NAV3: variants seen among roughly 807,000 people sequenced by gnomAD.
NAV3 encodes the protein pore membrane and/or filament interacting like protein 1.
NAV3 carries 87 observed loss-of-function variants against 244.7 expected under a neutral mutation model. The observed-to-expected ratio is 0.36, with a 90% CI of 0.30 to 0.42. The LOEUF is 0.42. NAV3 is among the 20% of genes least tolerant of loss of function. The pLI is 1.00. For synonymous variants in NAV3, 1,126 were observed against 1,042.2 expected (o/e 1.08, Z -1.55); for missense variants, 2,663 against 2,893.3 (o/e 0.92, Z 1.83).
rs1011282987 is a variant in NAV3, at chr12:77,946,262, C to T, written c.414+5129C>T. Reference sequence around the variant, plus strand: ...GTATGTGTGTGTGTGTGTGTGTGCGCGTGCACCTTATAAAGAAAATTTAAC... The same window carrying T: ...GTATGTGTGTGTGTGTGTGTGTGCGTGTGCACCTTATAAAGAAAATTTAAC... On this transcript the variant is annotated intron_variant, in intron 3 of 39. Coordinates refer to ENST00000397909, the MANE Select transcript of NAV3 (RefSeq NM_001024383.2). 2.7e-3 allele frequency among the ~76,000 whole-genome samples: 364 copies of T among 135,964 alleles called. 3 individuals are homozygous for T. Among genetic ancestry groups the T allele is most frequent in the African/African-American group, 8.1e-3 (305 of 37,872 alleles). 89.2% of individuals were successfully genotyped at this position (135,964 alleles called of 152,430 possible). A position where few individuals can be genotyped will look rare whatever the true frequency, so the allele number is the denominator to read the frequency against.
intron 8 of NAV3, among the ~76,000 whole-genome samples, chr12:78,017,726 A>G (rs941427693): frequency 6.6e-6 from 1 of 152,170 alleles, no homozygotes; most frequent in African/African-American, 2.4e-5. Flanking sequence ...TCTTGATTCT[A>G]AAGTCTTTAT....
At position 77,998,523 on chromosome 12, in the gene NAV3, G is replaced by C. The variant is rs569224647; in HGVS notation, c.880+47G>C. 3.1e-4 allele frequency: 472 copies of C among 1,544,264 alleles called. 7 individuals carry two copies. The South Asian group carries it at 5.6e-3, about 18-fold the overall frequency. On this transcript the variant is annotated intron_variant, in intron 7 of 39. Coordinates refer to ENST00000397909, the MANE Select transcript of NAV3 (RefSeq NM_001024383.2). ...ATGACACAAGTCCAACATGAGTCTTGTGAATTGCATGCTAAATCTAATATT... is the reference window on the plus strand; with the variant it reads ...ATGACACAAGTCCAACATGAGTCTTCTGAATTGCATGCTAAATCTAATATT...
rs1215026389 is a variant in NAV3, at chr12:78,119,256, A to C, written c.3060A>C (p.Lys1020Asn). ...AATTAGGGAAAACCGATGATGCCAA[A>C]GCTTCTGAGAAAGGAAAAGCTCCCC... ...LKTPGKTDDA[K>N]ASEKGKAPLK... The change falls in exon 15 of 40, where the codon AAA becomes AAC. Residue 1020 changes from lysine (K) to asparagine (N), a missense_variant. This residue lies in a region of NAV3 where 1,521 missense variants were observed against 1,497.0 expected (regional missense o/e 1.02). Coordinates refer to ENST00000397909, the MANE Select transcript of NAV3 (RefSeq NM_001024383.2). 1 of 1,612,426 alleles carries C rather than the reference A, an allele frequency of 6.2e-7. No individual in the cohort carries two copies. Among genetic ancestry groups the C allele is most frequent in the African/African-American group, 1.3e-5 (1 of 74,832 alleles).
intron 1 of NAV3, among the ~76,000 whole-genome samples, chr12:77,867,909 C>T (rs1386268865): frequency 1.3e-5 from 2 of 152,138 alleles, no homozygotes; most frequent in Non-Finnish European, 2.9e-5. Flanking sequence ...GGCAAGGGCC[C>T]CTCAAGTATG....
At chr12:77,806,796 A>G (rs2135987111) in intron 2 of NAV3, among the ~76,000 whole-genome samples, 1 of 152,298 alleles carries the variant, frequency 6.6e-6, no homozygotes, top group African/African-American at 2.4e-5. Context: ...ATTGTGTGGT[A>G]GTCTAAGTCT....
intron 1 of NAV3, among the ~76,000 whole-genome samples, chr12:77,903,638 A>G (rs1001063852): frequency 4.3e-4 from 66 of 152,366 alleles, no homozygotes; most frequent in South Asian, 1.7e-3. Flanking sequence ...GCCAAAATTG[A>G]CAAATGGGAC....
chr12:77,857,737 T>G (rs1287223019), intron 1 of NAV3, among the ~76,000 whole-genome samples: 3 of 151,962 alleles, frequency 2.0e-5, no homozygotes, highest in Non-Finnish European at 4.4e-5. Context: ...AAAAAACTAA[T>G]TAAATATCCA....
chr12:77,609,185 C>G (rs768777417), intron 2 of NAV3, among the ~76,000 whole-genome samples: 46 of 152,008 alleles, frequency 3.0e-4, no homozygotes, highest in Non-Finnish European at 6.0e-4. Context: ...GGGTGTCATG[C>G]TTCAATTAAA....
At chr12:78,128,901 T>A in intron 18 of NAV3, 35 bp downstream of exon 18, 1 of 1,592,212 alleles carries the variant, frequency 6.3e-7, no homozygotes, top group Non-Finnish European at 8.6e-7. Flanking sequence ...TTGTTTTGTT[T>A]CTTTCACCAC....
intron 5 of NAV3, among the ~76,000 whole-genome samples, chr12:77,979,678 C>A (rs567448840): frequency 7.2e-6 from 1 of 138,952 alleles, no homozygotes; most frequent in Non-Finnish European, 1.5e-5. Flanking sequence ...ACTGATCTCT[C>A]AGTCTCATAA....
At chr12:77,663,403 A>T (rs1051531449) in intron 2 of NAV3, among the ~76,000 whole-genome samples, 1 of 152,238 alleles carries the variant, frequency 6.6e-6, no homozygotes, top group African/African-American at 2.4e-5. Context: ...GGACACAAAG[A>T]AAAAAATATT....
chr12:77,867,355 G>A (rs755418190), intron 1 of NAV3, among the ~76,000 whole-genome samples: 1 of 152,156 alleles, frequency 6.6e-6, no homozygotes, highest in Non-Finnish European at 1.5e-5. Context: ...GGAACTGTGA[G>A]TCTATTAAAC....
chr12:78,090,486 A>C (rs1413707004), intron 12 of NAV3, among the ~76,000 whole-genome samples: 1 of 152,046 alleles, frequency 6.6e-6, no homozygotes, highest in African/African-American at 2.4e-5. Context: ...ACTTTGTCTT[A>C]AATGATTCCA....
intron 12 of NAV3, among the ~76,000 whole-genome samples, chr12:78,065,800 G>T (rs1884947910): frequency 6.6e-6 from 1 of 152,100 alleles, no homozygotes; most frequent in Non-Finnish European, 1.5e-5. Flanking sequence ...CAACAAAAGG[G>T]ACAGGATGAA....
rs137915210 is a variant in NAV3 at position 77,640,239 on chromosome 12, C to CAG, written c.72+67984_72+67985dup. ...GAAATCTAATCACAGAGACATACAG[C>CAG]AGAGAGAGAGAGGGAGAGAGAGAGT... is the stretch of plus-strand genomic sequence containing the variant. On this transcript the variant is annotated intron_variant, in intron 2 of 8. Transcript: ENST00000550042. Among the ~76,000 whole-genome samples, 3 of 151,168 alleles carry CAG rather than the reference C, an allele frequency of 2.0e-5. No individual in the cohort carries two copies. In the South Asian group the frequency reaches 6.3e-4, roughly 32 times the overall value.
chr12:77,698,646 C>T (rs898803899), intron 2 of NAV3, among the ~76,000 whole-genome samples: 1 of 151,888 alleles, frequency 6.6e-6, no homozygotes, highest in Non-Finnish European at 1.5e-5. Flanking sequence ...GTATGGTCAC[C>T]CAGAATATGT....
chr12:78,130,952 C>A, intron 18 of NAV3: 1 of 171,252 alleles, frequency 5.8e-6, no homozygotes, highest in South Asian at 1.6e-4. Flanking sequence ...TCCAAGGGCT[C>A]CTGCACCCAT....
intron 1 of NAV3, among the ~76,000 whole-genome samples, chr12:77,925,989 G>T (rs1372450432): frequency 1.3e-5 from 2 of 152,136 alleles, no homozygotes; most frequent in African/African-American, 4.8e-5. Flanking sequence ...AAGAAGGAAA[G>T]AAAGTTGTTG....
chr12:77,753,972 T>C (rs1868993681), intron 2 of NAV3, among the ~76,000 whole-genome samples: 1 of 152,206 alleles, frequency 6.6e-6, no homozygotes, highest in Non-Finnish European at 1.5e-5. Flanking sequence ...TGTCACATAA[T>C]TGACTGTTAT....
Sources: gnomAD v4.1 joint callset for allele counts (sites outside exome capture counted in the v4.1 genomes callset) on GRCh38, gnomAD v4.1.1 for gene constraint, gnomAD v4.1.1 regional missense constraint, MANE v1.5 for transcripts, NCBI Gene and HGNC (gene_info 2026-07-23, HGNC 2026-07-21) for gene names.